SCHIP1: variants seen among roughly 807,000 people sequenced by gnomAD.
The protein encoded by SCHIP1 is schwannomin-interacting protein 1.
A neutral mutation model predicts 29.7 loss-of-function variants in SCHIP1; 8 were observed. The observed-to-expected ratio is 0.27, with a 90% CI of 0.16 to 0.49. The LOEUF is 0.49. Ranked by LOEUF, SCHIP1 falls within the 20% of genes least tolerant of loss-of-function variation. The pLI, the probability that SCHIP1 is intolerant of heterozygous loss-of-function variation, is 0.99. For missense variants in SCHIP1, 193 were observed against 294.6 expected (o/e 0.66, Z 2.52); for synonymous variants, 76 against 94.9 (o/e 0.80, Z 1.16).
At chr3:159,811,473 G>A in the SCHIP1 span, among the ~76,000 whole-genome samples, 4 of 152,176 alleles carry the variant, frequency 2.6e-5, no homozygotes, top group Admixed American at 2.0e-4. Context: ...TGTATAGTGT[G>A]AGGTATCTAA....
the SCHIP1 span, among the ~76,000 whole-genome samples, chr3:159,721,259 A>G: frequency 6.6e-6 from 1 of 152,250 alleles, no homozygotes; most frequent in South Asian, 2.1e-4. Flanking sequence ...GTTAAGAGAA[A>G]ACCAATAAAT....
At chr3:159,848,961 C>T (rs1712207856) in intron 1 of SCHIP1, among the ~76,000 whole-genome samples, 1 of 152,010 alleles carries the variant, frequency 6.6e-6, no homozygotes, top group African/African-American at 2.4e-5. Context: ...GTGATGTCAC[C>T]ACCACTGAGA....
the SCHIP1 span, among the ~76,000 whole-genome samples, chr3:159,392,540 T>G: frequency 3.3e-5 from 5 of 149,438 alleles, no homozygotes; most frequent in Admixed American, 3.3e-4. Flanking sequence ...TTCCCACCTA[T>G]GAGTGAGAAC....
chr3:159,623,551 G>C, the SCHIP1 span, among the ~76,000 whole-genome samples: 1 of 152,030 alleles, frequency 6.6e-6, no homozygotes, highest in Non-Finnish European at 1.5e-5. Flanking sequence ...GCTTGAACCT[G>C]GGAGGCAGAG....
the SCHIP1 span, among the ~76,000 whole-genome samples, chr3:159,454,278 C>A: frequency 2.0e-5 from 3 of 152,094 alleles, no homozygotes; most frequent in Non-Finnish European, 4.4e-5. Flanking sequence ...AAATACATAG[C>A]TAAGTTTGAG....
intron 6 of SCHIP1, chr3:159,893,576 T>C (rs915326444): frequency 6.6e-6 from 1 of 152,208 alleles, no homozygotes; most frequent in Non-Finnish European, 1.5e-5. Flanking sequence ...ATCTTTTCTC[T>C]GTCTCTCAGA....
chr3:159,590,573 C>A, the SCHIP1 span, among the ~76,000 whole-genome samples: 1 of 136,218 alleles, frequency 7.3e-6, no homozygotes, highest in African/African-American at 3.8e-5. Context: ...GAGACACCAT[C>A]TTGAAAAAAA....
the SCHIP1 span, among the ~76,000 whole-genome samples, chr3:159,674,106 T>G: frequency 2.0e-5 from 3 of 152,238 alleles, no homozygotes; most frequent in African/African-American, 7.2e-5. Context: ...ATAACTCATC[T>G]GCAAAACCTG....
chr3:159,682,001 G>A, the SCHIP1 span, among the ~76,000 whole-genome samples: 1 of 152,176 alleles, frequency 6.6e-6, no homozygotes, highest in Admixed American at 6.5e-5. Flanking sequence ...TTAACTCAAT[G>A]TTACCCAAAC....
the SCHIP1 span, among the ~76,000 whole-genome samples, chr3:159,589,285 C>A: frequency 6.6e-6 from 1 of 152,122 alleles, no homozygotes; most frequent in East Asian, 1.9e-4. Flanking sequence ...TGGATAAGAA[C>A]GCTTGTGATT....
At chr3:159,452,812 G>C in the SCHIP1 span, among the ~76,000 whole-genome samples, 7 of 147,574 alleles carry the variant, frequency 4.7e-5, no homozygotes, top group Non-Finnish European at 8.9e-5. Flanking sequence ...ACCAGCAGTT[G>C]TTGTTTCCTG....
the SCHIP1 span, among the ~76,000 whole-genome samples, chr3:159,481,505 T>G: frequency 1.3e-5 from 2 of 152,146 alleles, no homozygotes; most frequent in African/African-American, 4.8e-5. Flanking sequence ...ATAAGATATT[T>G]GGGACTTACA....
chr3:159,523,174 A>C, the SCHIP1 span, among the ~76,000 whole-genome samples: 1 of 152,212 alleles, frequency 6.6e-6, no homozygotes, highest in Non-Finnish European at 1.5e-5. Context: ...ATAAAATAAA[A>C]TCTATTTTTC....
chr3:159,764,482 GGCAGCA>G, the SCHIP1 span: 4 of 1,589,126 alleles, frequency 2.5e-6, no homozygotes, highest in Middle Eastern at 1.7e-4. This position sits in a 1 kb window ranked among gnomAD's most constrained non-coding sequence, Gnocchi z 6.1. Context: ...CAGTGACGCC[GGCAGCA>G]GCAGCAGCAG....
At chr3:159,736,497 A>G in the SCHIP1 span, among the ~76,000 whole-genome samples, 15 of 152,314 alleles carry the variant, frequency 9.8e-5, no homozygotes, top group African/African-American at 3.1e-4. Flanking sequence ...CAACTCCCCA[A>G]CTATTCTCCT....
At chr3:159,283,368 G>C in the SCHIP1 span, among the ~76,000 whole-genome samples, 1 of 152,166 alleles carries the variant, frequency 6.6e-6, no homozygotes, top group Non-Finnish European at 1.5e-5. Flanking sequence ...GGCCAGGCTG[G>C]TCTCGAACTC....
At chr3:159,697,105 TA>T in the SCHIP1 span, among the ~76,000 whole-genome samples, 3 of 152,302 alleles carry the variant, frequency 2.0e-5, no homozygotes, top group Admixed American at 2.0e-4. Flanking sequence ...GCAGGGAGGC[TA>T]ATTGGGACAC....
At chr3:159,592,406 ACTT>A in the SCHIP1 span, among the ~76,000 whole-genome samples, 3,125 of 151,984 alleles carry the variant, frequency 0.021, 104 homozygotes, top group African/African-American at 0.073. Context: ...AGCCTTCCAA[ACTT>A]CTTAACACAC....
At chr3:159,793,262 C>G in the SCHIP1 span, among the ~76,000 whole-genome samples, 1 of 152,156 alleles carries the variant, frequency 6.6e-6, no homozygotes, top group African/African-American at 2.4e-5. Flanking sequence ...CTCTCTGTCT[C>G]TCTGTCTCTC....
Sources: allele counts gnomAD v4.1 joint callset (sites outside exome capture counted in the v4.1 genomes callset), GRCh38; gene constraint gnomAD v4.1.1; non-coding constraint Gnocchi (gnomAD v3.1); transcripts MANE v1.5; gene names NCBI Gene and HGNC (gene_info 2026-07-23, HGNC 2026-07-21).